ENOX1: variants seen among roughly 807,000 people sequenced by gnomAD.
ENOX1 encodes the protein ecto-NOX disulfide-thiol exchanger 1.
A neutral mutation model predicts 82.5 loss-of-function variants in ENOX1; 42 were observed. The observed-to-expected ratio is 0.51, with a 90% CI of 0.40 to 0.66. The LOEUF (loss-of-function observed/expected upper bound fraction) is 0.66, where lower values mean the gene tolerates loss of function less well. Ranked by LOEUF, ENOX1 falls within the 30% of genes least tolerant of loss-of-function variation. The pLI, the probability that ENOX1 is intolerant of heterozygous loss-of-function variation, is 0.00. For synonymous variants in ENOX1, 271 were observed against 282.2 expected (o/e 0.96, Z 0.40); for missense variants, 608 against 811.6 (o/e 0.75, Z 3.05).
chr13:43,390,605 C>T (rs1025395819), intron 5 of ENOX1, among the ~76,000 whole-genome samples: 1 of 152,130 alleles, frequency 6.6e-6, no homozygotes, highest in African/African-American at 2.4e-5. Context: ...GTTTGGGACT[C>T]TTTAGGACTT....
Position 43,320,513 on chromosome 13 carries a change from G to A in ENOX1, c.1261+1871C>T, listed in dbSNP as rs557838667. ...GCTTCTGCAGCAGAGGCCGGGCCCC[G>A]ATCCTATAAGCATGTACGTGCCGCA... is the stretch of plus-strand genomic sequence containing the variant. On this transcript the variant is annotated intron_variant, in intron 11 of 16. Coordinates refer to ENST00000690772, the MANE Select transcript of ENOX1 (RefSeq NM_001347969.2). 4.8e-4 allele frequency among the ~76,000 whole-genome samples: 73 copies of A among 152,214 alleles called. 1 individual carries two copies. Among genetic ancestry groups the A allele is most frequent in the African/African-American group, 1.4e-3 (59 of 41,524 alleles).
At position 43,285,846 on chromosome 13, in the gene ENOX1, C is replaced by G. The variant is rs971863822; in HGVS notation, c.1446+12500G>C. The stretch of plus-strand genomic sequence containing the variant: ...AAAAAAAAAAAAGAGGAATTCCCCC[C>G]TCTTCTTCTTTCTTCTTTGTTCCAA... On this transcript the variant is annotated intron_variant, in intron 12 of 16. Coordinates refer to ENST00000690772, the MANE Select transcript of ENOX1 (RefSeq NM_001347969.2). Among the ~76,000 whole-genome samples, 48 of 149,974 alleles carry G rather than the reference C, an allele frequency of 3.2e-4. 1 individual carries two copies. The highest frequency in any genetic ancestry group is 1.3e-4 in the Non-Finnish European group (9 of 67,422).
chr13:43,645,228 G>C (rs1198959329), intron 2 of ENOX1, among the ~76,000 whole-genome samples: 1 of 152,014 alleles, frequency 6.6e-6, no homozygotes, highest in Non-Finnish European at 1.5e-5. Flanking sequence ...CATAATCATC[G>C]CTCATGGCAG....
chr13:43,749,829 C>T (rs1950219739), intron 1 of ENOX1, among the ~76,000 whole-genome samples: 3 of 152,176 alleles, frequency 2.0e-5, no homozygotes, highest in African/African-American at 7.2e-5. Context: ...TCACCATCAT[C>T]TTATTTCAGT....
intron 2 of ENOX1, among the ~76,000 whole-genome samples, chr13:43,576,675 A>T (rs1328466397): frequency 2.0e-5 from 3 of 152,234 alleles, no homozygotes; most frequent in Non-Finnish European, 4.4e-5. Context: ...GAATAAATTT[A>T]GGTTGTCTTA....
At chr13:43,505,601 TG>T (rs754389258) in intron 2 of ENOX1, among the ~76,000 whole-genome samples, 3 of 151,968 alleles carry the variant, frequency 2.0e-5, no homozygotes, top group Non-Finnish European at 4.4e-5. Context: ...TTGATGGGGT[TG>T]TTTTTTTCTT....
chr13:43,241,086 ACTTAT>A (rs1224232010), intron 14 of ENOX1, among the ~76,000 whole-genome samples: 4 of 152,186 alleles, frequency 2.6e-5, no homozygotes, highest in African/African-American at 7.2e-5. Context: ...GGACATTCCA[ACTTAT>A]CTTTTTAGTA....
intron 2 of ENOX1, among the ~76,000 whole-genome samples, chr13:43,500,318 C>G (rs1204238765): frequency 6.6e-6 from 1 of 152,056 alleles, no homozygotes; most frequent in African/African-American, 2.4e-5. Context: ...AAGTCAAAGG[C>G]AATTTTGAAA....
At chr13:43,719,572 A>C (rs1460281289) in intron 1 of ENOX1, among the ~76,000 whole-genome samples, 1 of 152,214 alleles carries the variant, frequency 6.6e-6, no homozygotes, top group East Asian at 1.9e-4. Flanking sequence ...AAATGCACCA[A>C]GTCTTATGGC....
chr13:43,428,257 G>C (rs1433197318), intron 3 of ENOX1, among the ~76,000 whole-genome samples: 4 of 152,162 alleles, frequency 2.6e-5, no homozygotes, highest in African/African-American at 9.7e-5. Context: ...TGTGTACTTA[G>C]AGAAAGAGAG....
At chr13:43,602,219 C>A (rs2081755592) in intron 2 of ENOX1, among the ~76,000 whole-genome samples, 1 of 151,952 alleles carries the variant, frequency 6.6e-6, no homozygotes, top group Admixed American at 6.6e-5. Flanking sequence ...TACATGCACA[C>A]ACACACATCA....
intron 5 of ENOX1, among the ~76,000 whole-genome samples, chr13:43,401,475 T>G (rs2053491856): frequency 6.6e-6 from 1 of 152,168 alleles, no homozygotes; most frequent in South Asian, 2.1e-4. Context: ...GAACAGAGCC[T>G]GAGGTCTGTC....
In ENOX1 at chr13:43,362,556, GCCC is replaced by G. The variant is rs200428250; in HGVS notation, c.209-1107_209-1105del. On this transcript the variant is annotated intron_variant, in intron 5 of 16. Transcript: ENST00000690772. ...GTCTTCCTTCCTGCCCGCCACCCCT[GCCC>G]CCGACAACCCCTTTGTACAGTTCTC... 6.3e-4 allele frequency among the ~76,000 whole-genome samples: 93 copies of G among 147,718 alleles called. No homozygotes were observed. In the East Asian group the frequency reaches 0.018, roughly 28 times the overall value.
chr13:43,616,840 G>T (rs1839723954), intron 2 of ENOX1, among the ~76,000 whole-genome samples: 1 of 151,986 alleles, frequency 6.6e-6, no homozygotes, highest in African/African-American at 2.4e-5. Flanking sequence ...AGGAATTTTT[G>T]TTTAATTTTG....
At chr13:43,424,387 C>T (rs1246021170) in intron 3 of ENOX1, among the ~76,000 whole-genome samples, 1 of 152,148 alleles carries the variant, frequency 6.6e-6, no homozygotes, top group Non-Finnish European at 1.5e-5. Flanking sequence ...TAAATGGTGG[C>T]AAACTGGCAA....
intron 1 of ENOX1, among the ~76,000 whole-genome samples, chr13:43,716,173 T>C (rs188676095): frequency 1.2e-4 from 18 of 152,336 alleles, no homozygotes; most frequent in African/African-American, 3.8e-4. Context: ...CTCTGTTTTT[T>C]CCCCATCTTT....
In ENOX1 at chr13:43,224,025, G is replaced by A. The variant is rs79407710; in HGVS notation, c.1800+28C>T. 1.9e-3 allele frequency: 3,014 copies of A among 1,580,388 alleles called. 38 individuals carry two copies. In the African/African-American group the frequency reaches 0.034, roughly 18 times the overall value. On this transcript the variant is annotated intron_variant, in intron 16 of 16. Coordinates refer to ENST00000690772, the MANE Select transcript of ENOX1 (RefSeq NM_001347969.2). ...AATCAACATGCTAAATTTGAGCAAC[G>A]AAAGTTCACTCGAGCAAAATAATTT... is the stretch of plus-strand genomic sequence containing the variant.
chr13:43,493,169 C>T (rs1164447840), intron 2 of ENOX1, among the ~76,000 whole-genome samples: 4 of 152,088 alleles, frequency 2.6e-5, no homozygotes, highest in Non-Finnish European at 5.9e-5. Flanking sequence ...CACTCCCTCT[C>T]CTGTTGGTTC....
At chr13:43,232,093 CTTTTTT>C (rs33932346) in intron 15 of ENOX1, among the ~76,000 whole-genome samples, 14 of 109,550 alleles carry the variant, frequency 1.3e-4, no homozygotes, top group Non-Finnish European at 2.2e-4. Context: ...GCCCAGCTAA[CTTTTTT>C]TTTTTTTTTT....
Sources: gnomAD v4.1 joint callset for allele counts (sites outside exome capture counted in the v4.1 genomes callset) on GRCh38, gnomAD v4.1.1 for gene constraint, MANE v1.5 for transcripts, NCBI Gene and HGNC (gene_info 2026-07-23, HGNC 2026-07-21) for gene names.